The following NAALADL2 variants were observed in gnomAD, a reference collection of about 807,000 sequenced individuals.
NAALADL2 encodes inactive N-acetylated-alpha-linked acidic dipeptidase-like protein 2.
Under a neutral mutation model 87.2 loss-of-function variants are expected in NAALADL2, and 76 were observed. That is an observed-to-expected ratio of 0.87 (90% confidence interval 0.72 to 1.05). The LOEUF (loss-of-function observed/expected upper bound fraction) is 1.05. NAALADL2 is among the 50% of genes least tolerant of loss of function. The pLI, the probability that NAALADL2 is intolerant of heterozygous loss-of-function variation, is 0.00. For missense variants in NAALADL2, 1,089 were observed against 945.8 expected (o/e 1.15, Z -1.99); for synonymous variants, 354 against 331.0 (o/e 1.07, Z -0.75).
intron 1 of NAALADL2, among the ~76,000 whole-genome samples, chr3:175,049,805 G>A (rs1755137347): frequency 6.6e-6 from 1 of 152,192 alleles, no homozygotes; most frequent in African/African-American, 2.4e-5. Context: ...TTCTGTAATA[G>A]AGGAAGACAA....
intron 3 of NAALADL2, among the ~76,000 whole-genome samples, chr3:174,800,880 C>T (rs577520414): frequency 2.0e-5 from 3 of 152,178 alleles, no homozygotes; most frequent in Non-Finnish European, 2.9e-5. Context: ...GATTTGACTA[C>T]CCTGCTGGAT....
chr3:175,336,492 G>T (rs1761982063), intron 5 of NAALADL2, among the ~76,000 whole-genome samples: 1 of 152,076 alleles, frequency 6.6e-6, no homozygotes, highest in African/African-American at 2.4e-5. Context: ...TTGTACCTCA[G>T]CTTTTGCAGA....
At position 174,755,249 on chromosome 3, in the gene NAALADL2, T is replaced by G. The variant is rs551923205; in HGVS notation, c.-9+17503T>G. 5.3e-5 allele frequency among the ~76,000 whole-genome samples: 8 copies of G among 152,288 alleles called. No homozygotes were observed. The South Asian group carries it at 1.7e-3, about 32-fold the overall frequency. ...TCATCTTCTGCCGTAATTGTAAGTT[T>G]CCCAAGGCCTCGTCAGCCATGCTGA... is the stretch of plus-strand genomic sequence containing the variant. On this transcript the variant is annotated intron_variant, in intron 3 of 3. Coordinates refer to the NAALADL2 transcript ENST00000434257.
chr3:175,345,234 A>G (rs1763027210), intron 5 of NAALADL2, among the ~76,000 whole-genome samples: 1 of 66,968 alleles, frequency 1.5e-5, no homozygotes, highest in East Asian at 8.0e-4. Context: ...AAATTGAGTA[A>G]CCTTCCTAAG....
intron 2 of NAALADL2, among the ~76,000 whole-genome samples, chr3:175,205,748 A>G (rs1740726803): frequency 6.6e-6 from 1 of 152,078 alleles, no homozygotes; most frequent in South Asian, 2.1e-4. Flanking sequence ...AAAAATCAGT[A>G]AGAAAACAAC....
At chr3:175,242,040 T>G (rs536796263) in intron 3 of NAALADL2, among the ~76,000 whole-genome samples, 3 of 151,640 alleles carry the variant, frequency 2.0e-5, no homozygotes, top group Non-Finnish European at 4.4e-5. Context: ...TTTTGTATTT[T>G]TAGTAGAGAT....
chr3:175,376,618 T>A (rs1581643960), intron 5 of NAALADL2, among the ~76,000 whole-genome samples: 2 of 152,198 alleles, frequency 1.3e-5, no homozygotes, highest in African/African-American at 2.4e-5. Flanking sequence ...TCTAACTTCA[T>A]GTTCTTTACA....
chr3:175,036,612 G>A (rs891572235), intron 1 of NAALADL2, among the ~76,000 whole-genome samples: 5 of 152,066 alleles, frequency 3.3e-5, no homozygotes, highest in African/African-American at 1.2e-4. Flanking sequence ...TGTTAGCCAG[G>A]ATGGTCTCGA....
chr3:175,005,230 G>T (rs1748855576), intron 1 of NAALADL2, among the ~76,000 whole-genome samples: 1 of 152,142 alleles, frequency 6.6e-6, no homozygotes, highest in African/African-American at 2.4e-5. Context: ...AAGTGAAGCA[G>T]CTGAGCAGAT....
At chr3:174,553,119 T>C (rs929272747) in intron 2 of NAALADL2, among the ~76,000 whole-genome samples, 2 of 152,310 alleles carry the variant, frequency 1.3e-5, no homozygotes, top group South Asian at 4.1e-4. Context: ...TCAGCACTTA[T>C]AGGAAAAGTT....
intron 2 of NAALADL2, among the ~76,000 whole-genome samples, chr3:175,199,833 TATATATATATATATATATATA>T (rs1739571956): frequency 8.3e-5 from 1 of 12,036 alleles, no homozygotes; most frequent in Non-Finnish European, 1.5e-4. Flanking sequence ...TATATATATA[TATATATATATATATATATATA>T]TATATATATA....
chr3:174,933,212 A>C (rs993362762), intron 1 of NAALADL2, among the ~76,000 whole-genome samples: 1 of 152,194 alleles, frequency 6.6e-6, no homozygotes, highest in Non-Finnish European at 1.5e-5. Flanking sequence ...ATTTATACTG[A>C]ATAATAAAGT....
chr3:174,566,235 AATT>A (rs567459954), intron 2 of NAALADL2, among the ~76,000 whole-genome samples: 2 of 151,884 alleles, frequency 1.3e-5, no homozygotes, highest in Non-Finnish European at 2.9e-5. Flanking sequence ...ACCATTTAGA[AATT>A]ATTATTATTA....
intron 11 of NAALADL2, 71 bp downstream of exon 11, chr3:175,627,457 A>T (rs1389441056): frequency 2.1e-6 from 2 of 958,730 alleles, no homozygotes; most frequent in Non-Finnish European, 3.2e-6. Flanking sequence ...GGAGCAAAGG[A>T]ACATAACCAA....
At chr3:174,500,278 T>C (rs1409676217) in intron 1 of NAALADL2, among the ~76,000 whole-genome samples, 3 of 152,212 alleles carry the variant, frequency 2.0e-5, no homozygotes, top group African/African-American at 7.2e-5. Context: ...TCTTGGATCC[T>C]ACCACCTTAC....
At chr3:175,650,523 C>T (rs1231193617) in intron 11 of NAALADL2, among the ~76,000 whole-genome samples, 1 of 152,108 alleles carries the variant, frequency 6.6e-6, no homozygotes, top group African/African-American at 2.4e-5. Context: ...TTTAAAAATA[C>T]TAACACTCAC....
intron 11 of NAALADL2, among the ~76,000 whole-genome samples, chr3:175,730,685 A>T (rs561802456): frequency 3.3e-5 from 5 of 151,752 alleles, no homozygotes; most frequent in Non-Finnish European, 5.9e-5. Context: ...CAATGTGGTG[A>T]TTATTAACTC....
intron 2 of NAALADL2, among the ~76,000 whole-genome samples, chr3:175,199,862 A>G (rs1205161741): frequency 2.9e-4 from 4 of 13,790 alleles, no homozygotes; most frequent in African/African-American, 1.2e-3. Context: ...ATATATATAT[A>G]TATTTTTTTT....
intron 11 of NAALADL2, among the ~76,000 whole-genome samples, chr3:175,680,000 A>T (rs963488396): frequency 6.6e-6 from 1 of 152,146 alleles, no homozygotes; most frequent in East Asian, 1.9e-4. Context: ...GGGGAAAAAA[A>T]AGTTGAGGAA....
Sources: gnomAD v4.1 joint callset for allele counts (sites outside exome capture counted in the v4.1 genomes callset) on GRCh38, gnomAD v4.1.1 for gene constraint, MANE v1.5 for transcripts, NCBI Gene and HGNC (gene_info 2026-07-23, HGNC 2026-07-21) for gene names.